ARHGAP26: variants seen among roughly 807,000 people sequenced by gnomAD.
The protein encoded by ARHGAP26 is Rho GTPase activating protein 26, also known as rho GTPase-activating protein 26.
ARHGAP26 carries 38 observed loss-of-function variants against 104.8 expected under a neutral mutation model. The ratio of observed to expected loss-of-function variants is 0.36; its 90% confidence interval spans 0.28 to 0.48. The LOEUF is 0.48. Among genes scored for constraint, ARHGAP26 ranks in the 20% least tolerant of loss-of-function variants. The probability of loss-of-function intolerance (pLI) is 0.99; values close to 1 mark genes in which losing one functional copy is unlikely to be tolerated. For missense variants in ARHGAP26, 704 were observed against 947.9 expected (o/e 0.74, Z 3.38); for synonymous variants, 341 against 340.0 (o/e 1.00, Z -0.03).
intron 14 of ARHGAP26, among the ~76,000 whole-genome samples, chr5:143,042,640 G>A (rs1783638839): frequency 6.6e-6 from 1 of 152,226 alleles, no homozygotes; most frequent in South Asian, 2.1e-4. Flanking sequence ...CCCCATGGAA[G>A]CCCTGGCTTG....
At chr5:142,801,888 G>A (rs968176114) in intron 1 of ARHGAP26, among the ~76,000 whole-genome samples, 17 of 152,200 alleles carry the variant, frequency 1.1e-4, no homozygotes, top group African/African-American at 3.9e-4. Context: ...TCTAATGCCA[G>A]TCATTGGTCT....
At chr5:143,114,492 C>T (rs1384975165) in intron 17 of ARHGAP26, among the ~76,000 whole-genome samples, 1 of 152,168 alleles carries the variant, frequency 6.6e-6, no homozygotes, top group Non-Finnish European at 1.5e-5. Flanking sequence ...AAATTAACAG[C>T]CCTGGAAACT....
At chr5:143,026,809 T>TGGGGGGGGGGGGGGG in intron 12 of ARHGAP26, among the ~76,000 whole-genome samples, 1 of 3,424 alleles carries the variant, frequency 2.9e-4, no homozygotes, top group African/African-American at 1.2e-3. Context: ...TGGGTGGGGG[T>TGGGGGGGGGGGGGGG]GGGGGGTGGG....
At chr5:142,834,698 G>A (rs979540665) in intron 1 of ARHGAP26, among the ~76,000 whole-genome samples, 1 of 152,214 alleles carries the variant, frequency 6.6e-6, no homozygotes, top group African/African-American at 2.4e-5. Context: ...AAAGGTGGAA[G>A]CTCCGGGCCT....
intron 11 of ARHGAP26, among the ~76,000 whole-genome samples, chr5:142,950,374 T>G (rs1194697950): frequency 6.6e-6 from 1 of 152,212 alleles, no homozygotes; most frequent in Non-Finnish European, 1.5e-5. Flanking sequence ...ACTGCAACAA[T>G]TAACAGTTAA....
intron 20 of ARHGAP26, among the ~76,000 whole-genome samples, chr5:143,166,303 G>T (rs1048448092): frequency 6.6e-6 from 1 of 152,138 alleles, no homozygotes; most frequent in African/African-American, 2.4e-5. Context: ...AGGGAGTGTG[G>T]GCAGGAAGCC....
chr5:143,055,943 A>G, intron 15 of ARHGAP26, 85 bp from the exon 16 acceptor site: 1 of 889,180 alleles, frequency 1.1e-6, no homozygotes, highest in Admixed American at 2.2e-5. Flanking sequence ...AATGTATTAC[A>G]GTTTGTCAGT....
rs1253714943 is a variant in ARHGAP26 at position 143,042,811 on chromosome 5, CTCTTTTTGAGAGAG to C, written c.1285+924_1285+937del. On this transcript the variant is annotated intron_variant, in intron 14 of 22. Coordinates refer to ENST00000645722, the MANE Select transcript of ARHGAP26 (RefSeq NM_001135608.3). ...TGTTGGCCAGAATGACTGTCTTCAC[CTCTTTTTGAGAGAG>C]TCATTCACTTCTTGTAGCCAAAACC... 9.9e-5 allele frequency among the ~76,000 whole-genome samples: 15 copies of C among 152,278 alleles called. No individual in the cohort carries two copies. The East Asian group carries it at 1.5e-3, about 16-fold the overall frequency.
intron 20 of ARHGAP26, among the ~76,000 whole-genome samples, chr5:143,165,771 G>A (rs1801848625): frequency 6.6e-6 from 1 of 152,134 alleles, no homozygotes; most frequent in South Asian, 2.1e-4. Flanking sequence ...TTATGTGCAT[G>A]ATGTGTATTA....
chr5:142,789,424 A>G (rs1341108593), intron 1 of ARHGAP26, among the ~76,000 whole-genome samples: 2 of 152,166 alleles, frequency 1.3e-5, no homozygotes, highest in Admixed American at 6.5e-5. Context: ...GTTTTAATCT[A>G]TCTAGTCACA....
At chr5:143,010,640 A>G (rs1778597651) in intron 11 of ARHGAP26, 1 of 152,214 alleles carries the variant, frequency 6.6e-6, no homozygotes, top group African/African-American at 2.4e-5. Flanking sequence ...GCCTCAGAGG[A>G]GCAGGTGAGT....
chr5:143,196,276 A>C (rs1427763318), intron 20 of ARHGAP26, among the ~76,000 whole-genome samples: 1 of 152,002 alleles, frequency 6.6e-6, no homozygotes, highest in Admixed American at 6.6e-5. Context: ...CAAGGGCTCT[A>C]ATCTCATGTT....
chr5:142,963,799 C>T (rs1770809928), intron 11 of ARHGAP26, among the ~76,000 whole-genome samples: 1 of 152,136 alleles, frequency 6.6e-6, no homozygotes, highest in African/African-American at 2.4e-5. Context: ...CCTCTCCCTC[C>T]TTTAGAATGG....
chr5:143,053,353 A>AG (rs753854549), intron 14 of ARHGAP26, among the ~76,000 whole-genome samples: 2 of 152,164 alleles, frequency 1.3e-5, no homozygotes, highest in Non-Finnish European at 2.9e-5. Context: ...GGTGCTATGC[A>AG]GAAAAAAAAA....
intron 11 of ARHGAP26, among the ~76,000 whole-genome samples, chr5:142,962,006 A>G (rs1317125653): frequency 1.3e-5 from 2 of 152,232 alleles, no homozygotes; most frequent in Admixed American, 6.5e-5. Flanking sequence ...AGGTTTGTTT[A>G]AAATATCACT....
intron 17 of ARHGAP26, among the ~76,000 whole-genome samples, chr5:143,080,042 A>G (rs1789577207): frequency 6.6e-6 from 1 of 152,116 alleles, no homozygotes; most frequent in African/African-American, 2.4e-5. Context: ...ATTCAAACAC[A>G]AGTTCAGATG....
At chr5:143,194,351 T>C (rs1457941128) in intron 20 of ARHGAP26, among the ~76,000 whole-genome samples, 1 of 152,222 alleles carries the variant, frequency 6.6e-6, no homozygotes, top group Admixed American at 6.5e-5. Flanking sequence ...GGCTGGAGAT[T>C]CTTATAATAG....
chr5:142,818,253 T>A (rs954440095), intron 1 of ARHGAP26, among the ~76,000 whole-genome samples: 1 of 150,338 alleles, frequency 6.7e-6, no homozygotes, highest in African/African-American at 2.4e-5. Context: ...TTTAACCCTC[T>A]GTGATCTGGG....
intron 20 of ARHGAP26, among the ~76,000 whole-genome samples, chr5:143,170,954 G>A (rs1473530912): frequency 6.6e-6 from 1 of 152,190 alleles, no homozygotes; most frequent in Non-Finnish European, 1.5e-5. Context: ...GACAACAAGA[G>A]CATGGGAGAA....
Sources: allele counts gnomAD v4.1 joint callset (sites outside exome capture counted in the v4.1 genomes callset), GRCh38; gene constraint gnomAD v4.1.1; transcripts MANE v1.5; gene names NCBI Gene and HGNC (gene_info 2026-07-23, HGNC 2026-07-21).